The following SNX29 variants were observed in gnomAD, a reference collection of about 807,000 sequenced individuals.
SNX29 encodes the protein sorting nexin-29.
In SNX29, 78 loss-of-function variants were observed where a neutral mutation model predicts 102.1. The ratio of observed to expected loss-of-function variants is 0.76; its 90% CI spans 0.64 to 0.92. The LOEUF (loss-of-function observed/expected upper bound fraction) is 0.92. SNX29 is among the 40% of genes least tolerant of loss of function. The pLI, the probability that SNX29 is intolerant of heterozygous loss-of-function variation, is 0.00. For synonymous variants in SNX29, 580 were observed against 414.5 expected (o/e 1.40, Z -4.85); for missense variants, 1,280 against 1,061.7 (o/e 1.21, Z -2.86).
At chr16:12,463,817 A>AGTGAGT (rs2086921583) in intron 18 of SNX29, among the ~76,000 whole-genome samples, 2 of 143,270 alleles carry the variant, frequency 1.4e-5, no homozygotes, top group Admixed American at 1.4e-4. Context: ...TCCCGAAGTG[A>AGTGAGT]GTGTGTGTGT....
chr16:12,448,332 G>T (rs2086154830), intron 18 of SNX29, among the ~76,000 whole-genome samples: 1 of 152,170 alleles, frequency 6.6e-6, no homozygotes, highest in African/African-American at 2.4e-5. Context: ...AAGGATGGTG[G>T]TGATGGTGAC....
rs2079192087 is a variant in SNX29 at position 12,571,745 on chromosome 16, A to G, written c.*3116A>G. Reference sequence around the variant, plus strand: ...TTAAAGGCTGCTAGAAACCTAGCCCAACCATCCACTCCTGATCTGAGACAG... The same window carrying G: ...TTAAAGGCTGCTAGAAACCTAGCCCGACCATCCACTCCTGATCTGAGACAG... On this transcript the variant is annotated 3_prime_UTR_variant, in exon 21 of 21. Coordinates refer to ENST00000566228, the MANE Select transcript of SNX29 (RefSeq NM_032167.5). 1 of 1,021,556 alleles carries G rather than the reference A, an allele frequency of 9.8e-7. No individual in the cohort carries two copies. Among genetic ancestry groups the G allele is most frequent in the East Asian group, 5.1e-5 (1 of 19,530 alleles). 63.3% of individuals were successfully genotyped at this position (1,021,556 alleles called of 1,614,324 possible).
At chr16:12,472,745 A>C (rs2151800833) in intron 18 of SNX29, among the ~76,000 whole-genome samples, 1 of 152,036 alleles carries the variant, frequency 6.6e-6, no homozygotes, top group Middle Eastern at 3.4e-3. Context: ...TGACGGACTG[A>C]GGTTTTTGCA....
At chr16:12,549,274 C>T (rs1433481201) in intron 20 of SNX29, among the ~76,000 whole-genome samples, 1 of 152,084 alleles carries the variant, frequency 6.6e-6, no homozygotes. Flanking sequence ...GGTGGTAGAT[C>T]ACTCAGGGTC....
At chr16:12,521,207 A>C (rs191150203) in intron 19 of SNX29, among the ~76,000 whole-genome samples, 1 of 152,078 alleles carries the variant, frequency 6.6e-6, no homozygotes, top group Non-Finnish European at 1.5e-5. Context: ...AAACAAATAA[A>C]ACACTCGTTC....
chr16:12,274,621 C>T (rs796784473), intron 14 of SNX29, among the ~76,000 whole-genome samples: 2 of 152,010 alleles, frequency 1.3e-5, no homozygotes, highest in African/African-American at 2.4e-5. Context: ...ACTGCAACCT[C>T]TGCCTCCGAG....
chr16:12,291,267 G>C (rs2079783657), intron 15 of SNX29, among the ~76,000 whole-genome samples: 1 of 152,186 alleles, frequency 6.6e-6, no homozygotes, highest in South Asian at 2.1e-4. Flanking sequence ...CCACATGGCT[G>C]GGGAGACCTC....
chr16:12,219,634 T>A (rs147228962), intron 14 of SNX29, among the ~76,000 whole-genome samples: 1 of 152,248 alleles, frequency 6.6e-6, no homozygotes, highest in Non-Finnish European at 1.5e-5. Flanking sequence ...CTCTTCCTTA[T>A]TGAATGTATA....
At chr16:12,369,555 G>A (rs1030072813) in intron 16 of SNX29, among the ~76,000 whole-genome samples, 4 of 152,190 alleles carry the variant, frequency 2.6e-5, no homozygotes, top group African/African-American at 9.7e-5. Context: ...TACATGGTCA[G>A]GTGATGACAC....
chr16:12,287,335 A>G (rs1758091056), intron 15 of SNX29, among the ~76,000 whole-genome samples: 1 of 152,220 alleles, frequency 6.6e-6, no homozygotes, highest in South Asian at 2.1e-4. Flanking sequence ...AGGTCTCTGA[A>G]GGAAGAGGAG....
chr16:12,358,334 A>C (rs1165838397), intron 16 of SNX29, among the ~76,000 whole-genome samples: 1 of 152,182 alleles, frequency 6.6e-6, no homozygotes, highest in African/African-American at 2.4e-5. Flanking sequence ...TTTAGGCCTC[A>C]GAAGAAGGGC....
At chr16:12,565,851 G>A (rs2078981250) in intron 20 of SNX29, among the ~76,000 whole-genome samples, 2 of 152,078 alleles carry the variant, frequency 1.3e-5, no homozygotes, top group African/African-American at 4.8e-5. Flanking sequence ...CCTCCTCCGG[G>A]AAGCCCTCTG....
chr16:12,384,845 G>T (rs1302230279), intron 16 of SNX29, among the ~76,000 whole-genome samples: 1 of 152,226 alleles, frequency 6.6e-6, no homozygotes, highest in African/African-American at 2.4e-5. Flanking sequence ...TCTCCATGCA[G>T]TGTAGGCGGT....
chr16:12,562,312 G>A (rs764784066), intron 20 of SNX29, among the ~76,000 whole-genome samples: 8 of 152,140 alleles, frequency 5.3e-5, no homozygotes, highest in Non-Finnish European at 1.2e-4. Flanking sequence ...CGTTGGCTTT[G>A]TCCCAAGAAC....
chr16:12,451,194 T>G (rs575901811), intron 18 of SNX29, among the ~76,000 whole-genome samples: 2 of 152,350 alleles, frequency 1.3e-5, no homozygotes, highest in African/African-American at 4.8e-5. Flanking sequence ...ATGAGCTCAT[T>G]ACTGCCAACC....
intron 19 of SNX29, among the ~76,000 whole-genome samples, chr16:12,486,260 G>A (rs553470527): frequency 6.6e-6 from 1 of 152,156 alleles, no homozygotes; most frequent in African/African-American, 2.4e-5. Context: ...AATGTGATTA[G>A]ATTGGGCCCA....
intron 14 of SNX29, among the ~76,000 whole-genome samples, chr16:12,265,476 A>G (rs1179987893): frequency 6.6e-6 from 1 of 152,180 alleles, no homozygotes; most frequent in Non-Finnish European, 1.5e-5. Context: ...CAGATTTCTT[A>G]GGAAAGACAC....
chr16:12,185,488 A>G (rs2076488380), intron 13 of SNX29, among the ~76,000 whole-genome samples: 1 of 152,144 alleles, frequency 6.6e-6, no homozygotes, highest in African/African-American at 2.4e-5. Context: ...TCGCCCTGCA[A>G]ACGTGTGTTT....
chr16:12,496,175 T>C (rs2088812150), intron 19 of SNX29, among the ~76,000 whole-genome samples: 1 of 152,224 alleles, frequency 6.6e-6, no homozygotes, highest in African/African-American at 2.4e-5. Context: ...CACTCATTTG[T>C]AGGTGACTAT....
Sources: gnomAD v4.1 joint callset for allele counts (sites outside exome capture counted in the v4.1 genomes callset) on GRCh38, gnomAD v4.1.1 for gene constraint, MANE v1.5 for transcripts, NCBI Gene and HGNC (gene_info 2026-07-23, HGNC 2026-07-21) for gene names.